Variants in GABBR2 observed in about 807,000 individuals in gnomAD.
The protein encoded by GABBR2 is G-protein coupled receptor 51.
Under a neutral mutation model 105.6 loss-of-function variants are expected in GABBR2, and 23 were observed. The observed-to-expected ratio is 0.22, with a 90% CI of 0.16 to 0.31. GABBR2 has a LOEUF of 0.31. Among genes scored for constraint, GABBR2 ranks in the 10% least tolerant of loss-of-function variants. The pLI is 1.00. For missense variants in GABBR2, 734 were observed against 1,245.5 expected, an observed-to-expected ratio of 0.59 and a Z score of 6.18; for synonymous variants, 478 against 499.7, an observed-to-expected ratio of 0.96 and a Z score of 0.58.
chr9:98,705,166 G>C (rs1158207334), intron 1 of GABBR2, among the ~76,000 whole-genome samples: 1 of 152,146 alleles, frequency 6.6e-6, no homozygotes, highest in African/African-American at 2.4e-5. Flanking sequence ...CAGTTGTCTT[G>C]CTTGTTCAAA....
At chr9:98,697,674 T>C (rs1654790408) in intron 1 of GABBR2, among the ~76,000 whole-genome samples, 2 of 152,186 alleles carry the variant, frequency 1.3e-5, no homozygotes, top group Admixed American at 1.3e-4. Flanking sequence ...TCCTTTTCCT[T>C]TGATTATGAC....
chr9:98,501,134 C>CA (rs201462929), intron 3 of GABBR2, among the ~76,000 whole-genome samples: 4,000 of 145,280 alleles, frequency 0.028, 81 homozygotes, highest in Non-Finnish European at 0.041. Flanking sequence ...TGCCCCCCCC[C>CA]CTTCCCCGCC....
intron 1 of GABBR2, among the ~76,000 whole-genome samples, chr9:98,667,201 C>T (rs1003086367): frequency 3.9e-5 from 6 of 152,122 alleles, no homozygotes; most frequent in Non-Finnish European, 8.8e-5. Flanking sequence ...TTCCCAAAGC[C>T]CACTGTAGCA....
At chr9:98,410,854 A>G (rs1832579238) in intron 7 of GABBR2, among the ~76,000 whole-genome samples, 1 of 152,202 alleles carries the variant, frequency 6.6e-6, no homozygotes, top group Non-Finnish European at 1.5e-5. Flanking sequence ...CAATGGCAAC[A>G]TCACTTTCCC....
chr9:98,668,856 C>T (rs553851091), intron 1 of GABBR2, among the ~76,000 whole-genome samples: 29 of 151,888 alleles, frequency 1.9e-4, no homozygotes, highest in African/African-American at 6.5e-4. Context: ...AATTTCCTTC[C>T]TCTTTCAGGA....
chr9:98,412,408 G>T (rs921655997), intron 7 of GABBR2, among the ~76,000 whole-genome samples: 1 of 152,224 alleles, frequency 6.6e-6, no homozygotes. Context: ...TGGGAGGTGT[G>T]AGCATGCATC....
At chr9:98,308,193 C>T (rs528421219) in intron 14 of GABBR2, among the ~76,000 whole-genome samples, 1 of 152,316 alleles carries the variant, frequency 6.6e-6, no homozygotes, top group African/African-American at 2.4e-5. Context: ...GAGATCCTAT[C>T]AGCCATGCTA....
At chr9:98,608,108 A>G in intron 1 of GABBR2, 1 of 1,297,270 alleles carries the variant, frequency 7.7e-7, no homozygotes, top group Non-Finnish European at 1.1e-6. Flanking sequence ...CTTGGAAAAG[A>G]ACAAGAAGAA....
Position 98,386,265 on chromosome 9 carries a change from T to C in GABBR2, c.1530-493A>G, listed in dbSNP as rs555077073. 2.7e-5 allele frequency among the ~76,000 whole-genome samples: 4 copies of C among 149,032 alleles called. No homozygotes were observed. In the East Asian group the frequency reaches 8.0e-4, roughly 30 times the overall value. On this transcript the variant is annotated intron_variant, in intron 10 of 18. Transcript: ENST00000259455. ...AAGAACTCATGTCAAATCTAGAGAA[T>C]GTGACATGTAACTTCAGCCACGTTC... is the stretch of plus-strand genomic sequence containing the variant.
intron 1 of GABBR2, among the ~76,000 whole-genome samples, chr9:98,650,004 C>T (rs1224178787): frequency 6.6e-6 from 1 of 152,176 alleles, no homozygotes; most frequent in Admixed American, 6.5e-5. Context: ...TCAGTGAGAG[C>T]TATAAAGAGG....
intron 2 of GABBR2, among the ~76,000 whole-genome samples, chr9:98,565,023 G>C (rs1337037680): frequency 6.6e-6 from 1 of 152,190 alleles, no homozygotes; most frequent in African/African-American, 2.4e-5. Context: ...ATGGGCAACA[G>C]CTCTTGAGCT....
At chr9:98,387,318 G>C (rs111612571) in intron 10 of GABBR2, among the ~76,000 whole-genome samples, 226 of 152,306 alleles carry the variant, frequency 1.5e-3, no homozygotes, top group African/African-American at 5.0e-3. Flanking sequence ...AGGCCAAGAG[G>C]GGGTAGTTAA....
At chr9:98,293,064 G>A (rs897016948) in intron 18 of GABBR2, among the ~76,000 whole-genome samples, 1 of 152,170 alleles carries the variant, frequency 6.6e-6, no homozygotes, top group South Asian at 2.1e-4. Flanking sequence ...TGGTGATTTG[G>A]CTGCTTTTGC....
intron 13 of GABBR2, among the ~76,000 whole-genome samples, chr9:98,331,732 A>C (rs962374759): frequency 6.6e-6 from 1 of 152,056 alleles, no homozygotes; most frequent in Non-Finnish European, 1.5e-5. Context: ...TGTGCTGAGC[A>C]CCTCCTGGAT....
chr9:98,497,660 C>T (rs1010919522), intron 3 of GABBR2, among the ~76,000 whole-genome samples: 10 of 152,166 alleles, frequency 6.6e-5, no homozygotes, highest in South Asian at 2.1e-4. Flanking sequence ...CAGTTTCTTC[C>T]GCTTTAGGAG....
chr9:98,460,521 T>C (rs1260919253), intron 6 of GABBR2, among the ~76,000 whole-genome samples: 1 of 152,022 alleles, frequency 6.6e-6, no homozygotes, highest in Non-Finnish European at 1.5e-5. Context: ...AAATAAAGAA[T>C]TCAATAGATA....
At chr9:98,351,215 T>C (rs1237287048) in intron 13 of GABBR2, among the ~76,000 whole-genome samples, 5 of 152,204 alleles carry the variant, frequency 3.3e-5, no homozygotes, top group Non-Finnish European at 5.9e-5. Flanking sequence ...TTAATTGAGG[T>C]ATTTAAACCA....
rs187489540 is a variant in GABBR2 at position 98,373,769 on chromosome 9, T to C, written c.1663-2198A>G. Among the ~76,000 whole-genome samples, 10 of 152,018 alleles carry C rather than the reference T, an allele frequency of 6.6e-5. No homozygotes were observed. The East Asian group carries it at 1.4e-3, about 21-fold the overall frequency. ...CATTTTAAAAAGGACAAAGATGAAG[T>C]AATATCATCATTTTTACCTCATCCT... On this transcript the variant is annotated intron_variant, in intron 11 of 18. Coordinates refer to ENST00000259455, the MANE Select transcript of GABBR2 (RefSeq NM_005458.8).
chr9:98,451,126 T>C (rs566221884), intron 7 of GABBR2, among the ~76,000 whole-genome samples: 36 of 152,196 alleles, frequency 2.4e-4, no homozygotes, highest in African/African-American at 6.7e-4. Flanking sequence ...GAAAGGACTT[T>C]GGAGGTATTC....
Sources: gnomAD v4.1 joint callset for allele counts (sites outside exome capture counted in the v4.1 genomes callset) on GRCh38, gnomAD v4.1.1 for gene constraint, MANE v1.5 for transcripts, NCBI Gene and HGNC (gene_info 2026-07-23, HGNC 2026-07-21) for gene names.